CHLSN: variants seen among roughly 807,000 people sequenced by gnomAD.
CHLSN encodes cholesin, also known as protein cholesin.
At chr7:1,104,498 A>C in the CHLSN span, among the ~76,000 whole-genome samples, 2 of 152,202 alleles carry the variant, frequency 1.3e-5, no homozygotes, top group East Asian at 3.8e-4. Flanking sequence ...TGACGCCCGC[A>C]TGTCAGTACT....
the CHLSN span, among the ~76,000 whole-genome samples, chr7:1,017,773 AC>A: frequency 6.6e-6 from 1 of 152,184 alleles, no homozygotes; most frequent in Non-Finnish European, 1.5e-5. Context: ...GCAGCTGCGG[AC>A]GGCAGGGTAA....
the CHLSN span, among the ~76,000 whole-genome samples, chr7:1,095,610 C>G: frequency 6.6e-6 from 1 of 152,240 alleles, no homozygotes; most frequent in South Asian, 2.1e-4. Flanking sequence ...TTCTGACGAG[C>G]TGACGTGGGG....
At chr7:1,071,815 G>A in the CHLSN span, among the ~76,000 whole-genome samples, 2 of 152,228 alleles carry the variant, frequency 1.3e-5, no homozygotes, top group African/African-American at 2.4e-5. Context: ...CATACAACAG[G>A]CAGCCTTGCC....
chr7:1,025,759 T>C, the CHLSN span: 3 of 152,280 alleles, frequency 2.0e-5, no homozygotes, highest in Admixed American at 6.5e-5. Flanking sequence ...TTGCTCTGTA[T>C]TTCCCTGCGC....
chr7:1,064,596 C>T, the CHLSN span, among the ~76,000 whole-genome samples: 12 of 152,352 alleles, frequency 7.9e-5, no homozygotes, highest in African/African-American at 2.9e-4. Context: ...AAGCTCAAAG[C>T]TCAAGTGTCA....
At chr7:1,098,234 G>C in the CHLSN span, among the ~76,000 whole-genome samples, 1 of 152,184 alleles carries the variant, frequency 6.6e-6, no homozygotes, top group Admixed American at 6.5e-5. Flanking sequence ...TGGGTGCACA[G>C]CAAATGCACA....
the CHLSN span, among the ~76,000 whole-genome samples, chr7:1,112,720 A>G: frequency 7.9e-5 from 12 of 152,104 alleles, no homozygotes; most frequent in South Asian, 4.2e-4. Context: ...AAAAAAAAAA[A>G]AAAGAAAAAG....
At chr7:997,923 G>T in the CHLSN span, 1 of 923,556 alleles carries the variant, frequency 1.1e-6, no homozygotes, top group Non-Finnish European at 1.7e-6. Flanking sequence ...CTCCCACTGC[G>T]GCCCGAGGGT....
At chr7:1,093,490 C>G in the CHLSN span, 41 of 470,178 alleles carry the variant, frequency 8.7e-5, no homozygotes, top group Non-Finnish European at 4.4e-6. Flanking sequence ...CCACGAGGAG[C>G]AGCAGCGCTC....
chr7:1,076,510 C>T, the CHLSN span, among the ~76,000 whole-genome samples: 23 of 152,224 alleles, frequency 1.5e-4, no homozygotes, highest in African/African-American at 5.3e-4. Context: ...AGCCTGCAGG[C>T]GGACTGGGCA....
the CHLSN span, chr7:1,024,493 A>G: frequency 3.9e-5 from 6 of 152,260 alleles, no homozygotes; most frequent in African/African-American, 1.4e-4. Context: ...TTTGGTGGCC[A>G]GTGCTGAATT....
chr7:1,040,306 C>G, the CHLSN span, among the ~76,000 whole-genome samples: 1 of 151,116 alleles, frequency 6.6e-6, no homozygotes. Flanking sequence ...GCCTGGGCAA[C>G]ACAGTGAGAC....
the CHLSN span, among the ~76,000 whole-genome samples, chr7:1,019,216 G>C: frequency 5.1e-5 from 7 of 136,906 alleles, no homozygotes; most frequent in African/African-American, 7.7e-5. Context: ...AAAAAACGGG[G>C]GGGGGGGAGT....
chr7:1,131,555 T>C, the CHLSN span, among the ~76,000 whole-genome samples: 8 of 152,332 alleles, frequency 5.3e-5, no homozygotes, highest in East Asian at 1.2e-3. Flanking sequence ...GAGCCTTATC[T>C]TTAAAAAGCA....
chr7:1,086,440 A>G, the CHLSN span, among the ~76,000 whole-genome samples: 7 of 152,240 alleles, frequency 4.6e-5, no homozygotes, highest in African/African-American at 1.7e-4. Flanking sequence ...GGTACATATT[A>G]GAGTTGTCAA....
the CHLSN span, among the ~76,000 whole-genome samples, chr7:1,059,592 C>T: frequency 5.5e-5 from 6 of 109,318 alleles, no homozygotes; most frequent in African/African-American, 2.2e-4. Context: ...TGAGGCGGGT[C>T]CCGAGTGGGG....
chr7:1,084,616 A>G, the CHLSN span, among the ~76,000 whole-genome samples: 1 of 152,180 alleles, frequency 6.6e-6, no homozygotes, highest in Non-Finnish European at 1.5e-5. Context: ...CTTGAAAAGG[A>G]GCAGCAGTTG....
chr7:983,748 C>T, the CHLSN span, among the ~76,000 whole-genome samples: 1 of 152,232 alleles, frequency 6.6e-6, no homozygotes, highest in Non-Finnish European at 1.5e-5. Flanking sequence ...GCTCAGCCCC[C>T]CTCGGCCCTC....
the CHLSN span, among the ~76,000 whole-genome samples, chr7:1,042,404 C>A: frequency 6.6e-6 from 1 of 152,234 alleles, no homozygotes; most frequent in Non-Finnish European, 1.5e-5. Context: ...ACGCCCCAAT[C>A]TGTGCCCACC....
Sources: gnomAD v4.1 joint callset for allele counts (sites outside exome capture counted in the v4.1 genomes callset) on GRCh38, gnomAD v4.1.1 for gene constraint, MANE v1.5 for transcripts, NCBI Gene and HGNC (gene_info 2026-07-23, HGNC 2026-07-21) for gene names.